Variants in ZNF699 observed in about 807,000 individuals in gnomAD.
The protein encoded by ZNF699 is hangover homolog.
In ZNF699, 18 loss-of-function variants were observed where a neutral mutation model predicts 22.5. That is an observed-to-expected ratio of 0.80 (90% CI 0.55 to 1.19). ZNF699 has a LOEUF of 1.19. Among genes scored for constraint, ZNF699 ranks in the 50% most tolerant of loss-of-function variants. The pLI, the probability that ZNF699 is intolerant of heterozygous loss-of-function variation, is 0.00. For missense variants in ZNF699, 670 were observed against 763.4 expected, an observed-to-expected ratio of 0.88 and a Z score of 1.44; for synonymous variants, 241 against 262.3, an observed-to-expected ratio of 0.92 and a Z score of 0.78.
chr19:9,292,019 A>T lies in ZNF699; in HGVS notation c.*3456T>A, dbSNP rs1459216559. Among the ~76,000 whole-genome samples the T allele has an allele frequency of 6.6e-6, 1 of 152,166 alleles. No homozygotes were observed. Among genetic ancestry groups the T allele is most frequent in the Non-Finnish European group, 1.5e-5 (1 of 68,038 alleles). On this transcript the variant is annotated 3_prime_UTR_variant, in exon 6 of 6. Transcript: ENST00000591998. ...GCCTGGCCAAGCAGCAATCTTTAGC[A>T]ATCTAAACACATGTTAATGGATGAC...
rs1201409375 is a variant in ZNF699, at chr19:9,309,731, CAGGCA to C, written c.-392_-388del. 1 of 152,582 alleles carries C rather than the reference CAGGCA, an allele frequency of 6.6e-6. No individual in the cohort carries two copies. Among genetic ancestry groups the C allele is most frequent in the African/African-American group, 2.4e-5 (1 of 41,466 alleles). 9.5% of individuals were successfully genotyped at this position (152,582 alleles called of 1,614,324 possible). The stretch of plus-strand genomic sequence containing the variant: ...GGTCTCCCGCGGACCCGACCCGGGG[CAGGCA>C]GGGCGGGGCGGGGCAGGGCAGGACA... On this transcript the variant is annotated 5_prime_UTR_variant, in exon 1 of 6. Coordinates refer to ENST00000591998, the MANE Select transcript of ZNF699 (RefSeq NM_198535.3).
chr19:9,304,618 T>C (rs940999003), intron 2 of ZNF699, among the ~76,000 whole-genome samples: 1 of 152,160 alleles, frequency 6.6e-6, no homozygotes, highest in African/African-American at 2.4e-5. Flanking sequence ...ATGGCAGAGC[T>C]GAATTGCAAT....
At position 9,301,860 on chromosome 19, in the gene ZNF699, G is replaced by A. The variant is rs965161689; in HGVS notation, c.175+518C>T. Among the ~76,000 whole-genome samples, 8 of 150,392 alleles carry A rather than the reference G, an allele frequency of 5.3e-5. No individual in the cohort carries two copies. The South Asian group carries it at 1.1e-3, about 20-fold the overall frequency. On this transcript the variant is annotated intron_variant, in intron 3 of 5. Coordinates refer to ENST00000591998, the MANE Select transcript of ZNF699 (RefSeq NM_198535.3). Reference sequence around the variant, plus strand: ...AATAAACCTCAAGGCTTTCAACCACGAAAAAAAGCATCAGTTCAATATACA... The same window carrying A: ...AATAAACCTCAAGGCTTTCAACCACAAAAAAAAGCATCAGTTCAATATACA...
Position 9,297,024 on chromosome 19 carries a change from TG to T in ZNF699, c.471-92del. On this transcript the variant is annotated intron_variant, in intron 5 of 5. Coordinates refer to ENST00000591998, the MANE Select transcript of ZNF699 (RefSeq NM_198535.3). The surrounding 1 kb of genome is among the most constrained non-coding windows in gnomAD (Gnocchi z 4.3). ...TTCTGCCCTTCTGTCAAGTTTAAGC[TG>T]AAAGTTTTCACAGAGGGCTCTACGA... 1 of 1,192,558 alleles carries T rather than the reference TG, an allele frequency of 8.4e-7. No individual in the cohort carries two copies. The highest frequency in any genetic ancestry group is 1.1e-6 in the Non-Finnish European group (1 of 876,778). The allele number at this position is 1,192,558 out of a possible 1,614,324, so 73.9% of individuals were successfully genotyped here. A position where few individuals can be genotyped will look rare whatever the true frequency, so the allele number is the denominator to read the frequency against.
Position 9,294,073 on chromosome 19 carries a change from G to C in ZNF699, c.*1402C>G, listed in dbSNP as rs912749598. On this transcript the variant is annotated 3_prime_UTR_variant, in exon 6 of 6. Transcript: ENST00000591998. Reference sequence around the variant, plus strand: ...CTCACTCTCCACAGCTCTTGCTTTTGAGACTTGCGAACGTATTTTTCCCCA... The same window carrying C: ...CTCACTCTCCACAGCTCTTGCTTTTCAGACTTGCGAACGTATTTTTCCCCA... Among the ~76,000 whole-genome samples the C allele has an allele frequency of 1.3e-5, 2 of 152,104 alleles. No individual in the cohort carries two copies. The highest frequency in any genetic ancestry group is 4.8e-5 in the African/African-American group (2 of 41,424).
intron 2 of ZNF699, 106 bp downstream of exon 2, chr19:9,304,966 T>A (rs921935241): frequency 1.4e-5 from 10 of 710,706 alleles, no homozygotes; most frequent in Non-Finnish European, 2.3e-5. Context: ...CCTAAAATAC[T>A]ATGTGGTCCA....
chr19:9,295,913 G>GT lies in ZNF699; in HGVS notation c.1490dup (p.His497GlnfsTer8). 1 of 1,614,060 alleles carries GT rather than the reference G, an allele frequency of 6.2e-7. No individual in the cohort carries two copies. Among genetic ancestry groups the GT allele is most frequent in the Non-Finnish European group, 8.5e-7 (1 of 1,180,006 alleles). Reference sequence around the variant, plus strand: ...TACATTCATACGGCTTCTCTCCGCTGTGAGTTCTTAGGTGTTCGGTGAGGG... The same window carrying GT: ...TACATTCATACGGCTTCTCTCCGCTGTTGAGTTCTTAGGTGTTCGGTGAGGG... On this transcript the variant is annotated frameshift_variant, in exon 6 of 6. Coordinates refer to ENST00000591998, the MANE Select transcript of ZNF699 (RefSeq NM_198535.3). LOFTEE classifies it low-confidence loss of function (END_TRUNC).
In ZNF699 at chr19:9,302,501, A is replaced by G. The variant is rs2066311282; in HGVS notation, c.52T>C (p.Ser18Pro). The part of the protein sequence containing the change: ...AELQKNRIQD[S>P]VVFEDVAVDF... ...ACAGCCACATCCTCAAAGACTACTG[A>G]GTCCTAAAACATACCACAAATTCTG... The change falls in exon 3 of 6, where the codon TCA (serine) becomes CCA (proline). Residue 18 changes from serine to proline, a missense_variant. Ser to Pro is a moderately conservative substitution (Grantham distance 74, BLOSUM62 -1). Coordinates refer to ENST00000591998, the MANE Select transcript of ZNF699 (RefSeq NM_198535.3). 6.2e-7 allele frequency: 1 copy of G among 1,611,428 alleles called. No individual in the cohort carries two copies. Among genetic ancestry groups the G allele is most frequent in the Non-Finnish European group, 8.5e-7 (1 of 1,178,648 alleles).
chr19:9,306,124 T>C (rs2066326923), intron 1 of ZNF699, among the ~76,000 whole-genome samples: 1 of 147,948 alleles, frequency 6.8e-6, no homozygotes, highest in Non-Finnish European at 1.5e-5. Flanking sequence ...CCAAGCATGG[T>C]GGCTCACGCC....
rs1465683449 is a variant in ZNF699, at chr19:9,305,260, A to AACACACACACACAC, written c.-5-137_-5-136insGTGTGTGTGTGTGT. ...AATTATAAGTAACAACTCCCCTCAAAACACATACACACACACACACACACA... is the reference window on the plus strand; with the variant it reads ...AATTATAAGTAACAACTCCCCTCAAAACACACACACACACACACATACACACACACACACACACA... On this transcript the variant is annotated intron_variant, in intron 1 of 5. Coordinates refer to ENST00000591998, the MANE Select transcript of ZNF699 (RefSeq NM_198535.3). The AACACACACACACAC allele has an allele frequency of 1.9e-3, 1,230 of 650,866 alleles. 17 individuals carry two copies. In the African/African-American group the frequency reaches 0.02, roughly 11 times the overall value. The allele number at this position is 650,866 out of a possible 1,614,324, so 40.3% of individuals were successfully genotyped here.
chr19:9,305,282 C>T (rs1002929234), intron 1 of ZNF699, among the ~76,000 whole-genome samples, 158 bp from the exon 2 acceptor site: 1 of 152,040 alleles, frequency 6.6e-6, no homozygotes, highest in Non-Finnish European at 1.5e-5. Context: ...CACACACACA[C>T]ACACATGCAC....
intron 1 of ZNF699, among the ~76,000 whole-genome samples, chr19:9,305,471 TAAC>T (rs1424305993): frequency 1.3e-5 from 2 of 152,168 alleles, no homozygotes; most frequent in African/African-American, 4.8e-5. Flanking sequence ...CTGCCCATGA[TAAC>T]AAAAAGTATA....
At chr19:9,308,324 C>CA (rs554753899) in intron 1 of ZNF699, among the ~76,000 whole-genome samples, 65 of 141,828 alleles carry the variant, frequency 4.6e-4, no homozygotes, top group East Asian at 3.1e-3. Flanking sequence ...ACAACAACAA[C>CA]AAAAAAAAAA....
intron 1 of ZNF699, 69 bp from the exon 2 acceptor site, chr19:9,305,193 C>A: frequency 7.5e-7 from 1 of 1,338,676 alleles, no homozygotes; most frequent in South Asian, 1.2e-5. Context: ...CCAGACCTCC[C>A]CAAAATTCCC....
chr19:9,298,073 C>T (rs1288990128), intron 3 of ZNF699, 83 bp from the exon 4 acceptor site: 2 of 841,652 alleles, frequency 2.4e-6, no homozygotes, highest in Non-Finnish European at 3.8e-6. Flanking sequence ...AAACTTTAGT[C>T]TTCTGATATT....
chr19:9,296,424 C>G lies in ZNF699; in HGVS notation c.980G>C (p.Arg327Thr). The change falls in exon 6 of 6, where the codon AGA becomes ACA. Residue 327 changes from arginine (R) to threonine (T), a missense_variant. Physicochemically the swap from Arg to Thr is moderately conservative, Grantham distance 71. Coordinates refer to ENST00000591998, the MANE Select transcript of ZNF699 (RefSeq NM_198535.3). ...SCSSSLSKHKRIHSGDKPYEC... is the reference protein window; with the variant it reads ...SCSSSLSKHKTIHSGDKPYEC... ...ATATGGCTTATCTCCACTGTGAATT[C>G]TTTTGTGTTTGGAGAGTGAGGAGGA... The G allele has an allele frequency of 6.2e-7, 1 of 1,614,076 alleles. No homozygotes were observed. Among genetic ancestry groups the G allele is most frequent in the Non-Finnish European group, 8.5e-7 (1 of 1,180,002 alleles).
intron 3 of ZNF699, among the ~76,000 whole-genome samples, chr19:9,301,246 G>T (rs1273763508): frequency 6.6e-6 from 1 of 151,984 alleles, no homozygotes; most frequent in African/African-American, 2.4e-5. Flanking sequence ...TACTGGATTA[G>T]GATGGGCCCT....
Position 9,305,080 on chromosome 19 carries a change from T to C in ZNF699, c.40A>G (p.Arg14Gly). The C allele has an allele frequency of 6.2e-7, 1 of 1,613,266 alleles. No individual in the cohort carries two copies. ...TATCACCTTTTACTTACCTGTATTCTATTTTTCTGTAACTCAGCAGTTTTT... is the reference window on the plus strand; with the variant it reads ...TATCACCTTTTACTTACCTGTATTCCATTTTTCTGTAACTCAGCAGTTTTT... ...ERKTAELQKN[R>G]IQDSVVFEDV... is the part of the protein sequence containing the mutation. The change falls in exon 2 of 6, where the codon AGA (arginine) becomes GGA (glycine). Residue 14 changes from arginine to glycine, a missense_variant. Physicochemically the swap from Arg to Gly is moderately radical, Grantham distance 125. Transcript: ENST00000591998.
rs749032389 is a variant in ZNF699 at position 9,296,913 on chromosome 19, A to G, written c.491T>C (p.Ile164Thr). The G allele has an allele frequency of 3.7e-6, 6 of 1,608,704 alleles. No individual in the cohort carries two copies. In the South Asian group the frequency reaches 5.5e-5, roughly 15 times the overall value. The change falls in exon 6 of 6, where the codon ATC (isoleucine) becomes ACC (threonine). Residue 164 changes from isoleucine (I) to threonine (T), a missense_variant. Physicochemically the swap from Ile to Thr is moderately conservative, Grantham distance 89. Coordinates refer to ENST00000591998, the MANE Select transcript of ZNF699 (RefSeq NM_198535.3). ...RHLRNHMVEN[I>T]YECYEENQDG... ...TTGATTTTCTTCATAACATTCATAG[A>G]TGTTCTCTACCATATGATTTCTTTT...
Sources: allele counts gnomAD v4.1 joint callset (sites outside exome capture counted in the v4.1 genomes callset), GRCh38; gene constraint gnomAD v4.1.1; non-coding constraint Gnocchi (gnomAD v3.1); transcripts MANE v1.5; gene names NCBI Gene and HGNC (gene_info 2026-07-23, HGNC 2026-07-21).